Variants in IQGAP2 observed in about 807,000 individuals in gnomAD.
The protein encoded by IQGAP2 is ras GTPase-activating-like protein IQGAP2.
In IQGAP2, 173 loss-of-function variants were observed where a neutral mutation model predicts 201.3. That is an observed-to-expected ratio of 0.86 (90% CI 0.76 to 0.98). The LOEUF is 0.98. IQGAP2 is among the 50% of genes least tolerant of loss of function. The pLI, the probability that IQGAP2 is intolerant of heterozygous loss-of-function variation, is 0.00. For synonymous variants in IQGAP2, 675 were observed against 673.9 expected, an observed-to-expected ratio of 1.00 and a Z score of -0.03; for missense variants, 1,687 against 1,864.8, an observed-to-expected ratio of 0.90 and a Z score of 1.76.
intron 7 of IQGAP2, 131 bp from the exon 8 acceptor site, chr5:76,590,277 C>G: frequency 1.4e-6 from 1 of 698,964 alleles, no homozygotes; most frequent in Non-Finnish European, 2.4e-6. Flanking sequence ...TGTCTCAGTT[C>G]TCTTTTTGAC....
rs571244422 is a variant in IQGAP2 at position 76,562,776 on chromosome 5, A to G, written c.303+224A>G. On this transcript the variant is annotated intron_variant, in intron 3 of 35. Coordinates refer to ENST00000274364, the MANE Select transcript of IQGAP2 (RefSeq NM_006633.5). ...AGACCTCTGACTTATGGGGCTTCCC[A>G]ATGCCTCCCCCAATTATTCCTTCAG... Among the ~76,000 whole-genome samples the G allele has an allele frequency of 6.7e-4, 102 of 152,290 alleles. 1 individual carries two copies. Among genetic ancestry groups the G allele is most frequent in the Middle Eastern group, 3.4e-3 (1 of 294 alleles).
intron 2 of IQGAP2, among the ~76,000 whole-genome samples, chr5:76,518,493 C>T (rs1431478853): frequency 6.6e-6 from 1 of 152,154 alleles, no homozygotes; most frequent in Non-Finnish European, 1.5e-5. Flanking sequence ...TACCTCCAAC[C>T]AGCCCCTCCC....
chr5:76,448,689 T>C (rs185650476), intron 1 of IQGAP2, among the ~76,000 whole-genome samples: 309 of 152,288 alleles, frequency 2.0e-3, no homozygotes, highest in African/African-American at 6.5e-3. Flanking sequence ...AGCCATTATC[T>C]TTAATCTCCA....
Position 76,600,800 on chromosome 5 carries a change from GT to G in IQGAP2, c.1072-8del. ...GTGTGGGGAGCTTATGTTGCCATAT[GT>G]TTTCCAACAGAACTACTTGGCCCAC... On this transcript the variant is annotated splice_polypyrimidine_tract_variant and intron_variant, in intron 10 of 35. Transcript: ENST00000274364. 1 of 1,613,842 alleles carries G rather than the reference GT, an allele frequency of 6.2e-7. No homozygotes were observed. Among genetic ancestry groups the G allele is most frequent in the Non-Finnish European group, 8.5e-7 (1 of 1,179,768 alleles).
At chr5:76,500,762 G>A (rs1475398027) in intron 2 of IQGAP2, among the ~76,000 whole-genome samples, 2 of 151,896 alleles carry the variant, frequency 1.3e-5, no homozygotes, top group Non-Finnish European at 2.9e-5. Flanking sequence ...ATCATTTTAG[G>A]TTGCTTTCTT....
intron 5 of IQGAP2, among the ~76,000 whole-genome samples, chr5:76,584,042 T>C (rs1208707360): frequency 6.6e-6 from 1 of 152,020 alleles, no homozygotes; most frequent in Non-Finnish European, 1.5e-5. Context: ...CCAGATAATT[T>C]TTGTATTTTT....
At chr5:76,493,644 T>C (rs1756702880) in intron 2 of IQGAP2, among the ~76,000 whole-genome samples, 1 of 152,176 alleles carries the variant, frequency 6.6e-6, no homozygotes, top group African/African-American at 2.4e-5. Flanking sequence ...ATTAATTTAG[T>C]GATTTTTTTT....
At chr5:76,668,893 G>T in intron 23 of IQGAP2, 49 bp downstream of exon 23, 2 of 1,175,000 alleles carry the variant, frequency 1.7e-6, no homozygotes, top group Non-Finnish European at 2.4e-6. Context: ...CAATCCTTTT[G>T]TTAGTGGTGG....
chr5:76,593,626 C>T (rs1314773578), intron 9 of IQGAP2, among the ~76,000 whole-genome samples: 1 of 152,142 alleles, frequency 6.6e-6, no homozygotes, highest in Non-Finnish European at 1.5e-5. Flanking sequence ...ACTTGAGCAT[C>T]AGAAGAGTCA....
chr5:76,505,344 C>T (rs2150174335), intron 2 of IQGAP2, among the ~76,000 whole-genome samples: 1 of 152,304 alleles, frequency 6.6e-6, no homozygotes, highest in South Asian at 2.1e-4. Context: ...ACTGGGGAGT[C>T]AACCCAGAGC....
intron 13 of IQGAP2, among the ~76,000 whole-genome samples, chr5:76,612,535 A>G (rs1048648075): frequency 6.6e-6 from 1 of 152,008 alleles, no homozygotes; most frequent in African/African-American, 2.4e-5. Flanking sequence ...AAATCAAGCT[A>G]TCTAAAAGAT....
chr5:76,421,022 T>C (rs1218154087), intron 1 of IQGAP2, among the ~76,000 whole-genome samples: 2 of 152,262 alleles, frequency 1.3e-5, no homozygotes. Context: ...TGAGTGCTGC[T>C]ACAGCGAGCA....
At chr5:76,575,344 T>C (rs771168248) in intron 4 of IQGAP2, among the ~76,000 whole-genome samples, 1 of 152,170 alleles carries the variant, frequency 6.6e-6, no homozygotes, top group Non-Finnish European at 1.5e-5. Context: ...CCATGGGACC[T>C]CTGGGAAGTC....
At chr5:76,519,555 T>A (rs762891437) in intron 2 of IQGAP2, among the ~76,000 whole-genome samples, 9 of 152,252 alleles carry the variant, frequency 5.9e-5, no homozygotes, top group Non-Finnish European at 1.2e-4. Context: ...GATAAGTATC[T>A]AGCAGTACTG....
At position 76,663,735 on chromosome 5, in the gene IQGAP2, G is replaced by A. The variant is rs539183046; in HGVS notation, c.2530-1291G>A. On this transcript the variant is annotated intron_variant, in intron 21 of 35. Transcript: ENST00000274364. ...ATTTGTAGAGATGGGGTCTTGCTCT[G>A]TTGCCCAGGTTGATCTCAAACTCCT... Among the ~76,000 whole-genome samples the A allele has an allele frequency of 2.0e-5, 3 of 151,890 alleles. No individual in the cohort carries two copies. The South Asian group carries it at 6.2e-4, about 32-fold the overall frequency.
chr5:76,473,792 G>A (rs1312138889), intron 2 of IQGAP2, among the ~76,000 whole-genome samples: 1 of 152,098 alleles, frequency 6.6e-6, no homozygotes, highest in African/African-American at 2.4e-5. Context: ...ATTATGACTG[G>A]TTTCAAAGAA....
intron 17 of IQGAP2, among the ~76,000 whole-genome samples, chr5:76,642,428 G>A (rs1751661373): frequency 6.6e-6 from 1 of 152,120 alleles, no homozygotes; most frequent in Non-Finnish European, 1.5e-5. Flanking sequence ...TGACGAAGCA[G>A]CCATCAAACC....
At chr5:76,620,675 G>T (rs1423023952) in intron 13 of IQGAP2, among the ~76,000 whole-genome samples, 1 of 152,140 alleles carries the variant, frequency 6.6e-6, no homozygotes, top group Non-Finnish European at 1.5e-5. Context: ...TAATGGGAGT[G>T]GTTGAGATGG....
intron 1 of IQGAP2, among the ~76,000 whole-genome samples, chr5:76,411,042 A>G (rs1044708047): frequency 6.6e-6 from 1 of 152,214 alleles, no homozygotes; most frequent in Non-Finnish European, 1.5e-5. Context: ...ACAGCAGCGG[A>G]GCATCTCCTG....
Sources: allele counts gnomAD v4.1 joint callset (sites outside exome capture counted in the v4.1 genomes callset), GRCh38; gene constraint gnomAD v4.1.1; transcripts MANE v1.5; gene names NCBI Gene and HGNC (gene_info 2026-07-23, HGNC 2026-07-21).